The following ICOS variants were observed in gnomAD, a reference collection of about 807,000 sequenced individuals.
ICOS encodes the protein inducible T cell costimulator.
ICOS carries 15 observed loss-of-function variants against 24.6 expected under a neutral mutation model. The ratio of observed to expected loss-of-function variants is 0.61; its 90% CI spans 0.41 to 0.94. The LOEUF (loss-of-function observed/expected upper bound fraction) is 0.94, where lower values mean the gene tolerates loss of function less well. Among genes scored for constraint, ICOS ranks in the 40% least tolerant of loss-of-function variants. The probability of loss-of-function intolerance (pLI) is 0.00; values close to 1 mark genes in which losing one functional copy is unlikely to be tolerated. For synonymous variants in ICOS, 89 were observed against 77.5 expected (o/e 1.15, Z -0.78); for missense variants, 200 against 233.0 (o/e 0.86, Z 0.92).
At chr2:203,957,938 G>T in intron 4 of ICOS, 55 bp downstream of exon 4, 2 of 1,080,602 alleles carry the variant, frequency 1.9e-6, no homozygotes, top group East Asian at 2.4e-5. Context: ...CAGTAAGCCT[G>T]GAATGTTAAT....
Position 203,956,773 on chromosome 2 carries a change from A to G in ICOS, c.501+8A>G, listed in dbSNP as rs1428752773. 3 of 1,544,222 alleles carry G rather than the reference A, an allele frequency of 1.9e-6. No homozygotes were observed. The highest frequency in any genetic ancestry group is 2.2e-5 in the East Asian group (1 of 44,490). On this transcript the variant is annotated splice_region_variant and intron_variant, in intron 3 of 4. Coordinates refer to ENST00000316386, the MANE Select transcript of ICOS (RefSeq NM_012092.4). Reference sequence around the variant, plus strand: ...TGTTGGCTTACAAAAAAGGTAAGCGATTTCTATCTTTCCTTGTATCTGCTT... The same window carrying G: ...TGTTGGCTTACAAAAAAGGTAAGCGGTTTCTATCTTTCCTTGTATCTGCTT...
At position 203,959,747 on chromosome 2, in the gene ICOS, T is replaced by C. The variant is rs1007526165; in HGVS notation, c.*148T>C. The C allele has an allele frequency of 2.9e-5, 23 of 782,522 alleles. No homozygotes were observed. Among genetic ancestry groups the C allele is most frequent in the South Asian group, 2.3e-4 (16 of 69,936 alleles). The allele number at this position is 782,522 out of a possible 1,614,324, so 48.5% of individuals were successfully genotyped here. A position where few individuals can be genotyped will look rare whatever the true frequency, so the allele number is the denominator to read the frequency against. ...GTTTTGTTCAATCTGGAAGAATGAC[T>C]GTATCAGTCAATGGGGATTTTAACA... On this transcript the variant is annotated 3_prime_UTR_variant, in exon 5 of 5. Coordinates refer to ENST00000316386, the MANE Select transcript of ICOS (RefSeq NM_012092.4).
chr2:203,938,257 G>A (rs1443907302), intron 1 of ICOS, among the ~76,000 whole-genome samples: 1 of 152,210 alleles, frequency 6.6e-6, no homozygotes, highest in African/African-American at 2.4e-5. Flanking sequence ...AGTCTTTCCT[G>A]TGCAAGTGGC....
At chr2:203,947,911 G>C (rs572410217) in intron 1 of ICOS, among the ~76,000 whole-genome samples, 12 of 152,246 alleles carry the variant, frequency 7.9e-5, no homozygotes, top group African/African-American at 2.9e-4. Flanking sequence ...CTAACATGCT[G>C]TGTTTATAAA....
At chr2:203,941,717 C>A (rs1032496382) in intron 1 of ICOS, among the ~76,000 whole-genome samples, 2 of 152,158 alleles carry the variant, frequency 1.3e-5, no homozygotes, top group African/African-American at 4.8e-5. Flanking sequence ...TGTCAAATGG[C>A]ACTTTTTGGT....
chr2:203,942,780 A>G (rs915515546), intron 1 of ICOS, among the ~76,000 whole-genome samples: 3 of 152,200 alleles, frequency 2.0e-5, no homozygotes, highest in South Asian at 2.1e-4. Flanking sequence ...TTTCTGTACA[A>G]TGAGAGGATT....
rs1690178494 is a variant in ICOS at position 203,961,501 on chromosome 2, G to A, written c.*1902G>A. The A allele has an allele frequency of 6.5e-6, 1 of 152,810 alleles. No homozygotes were observed. Among genetic ancestry groups the A allele is most frequent in the African/African-American group, 2.4e-5 (1 of 41,346 alleles). The allele number at this position is 152,810 out of a possible 1,614,324, so 9.5% of individuals were successfully genotyped here. On this transcript the variant is annotated 3_prime_UTR_variant, in exon 5 of 5. Coordinates refer to ENST00000316386, the MANE Select transcript of ICOS (RefSeq NM_012092.4). ...TCTGTGAAATCAAATCCAGTTTTAAGAGGAGCCACTTATCAAAGAGATTTT... is the reference window on the plus strand; with the variant it reads ...TCTGTGAAATCAAATCCAGTTTTAAAAGGAGCCACTTATCAAAGAGATTTT...
At chr2:203,941,729 A>G (rs7602383) in intron 1 of ICOS, among the ~76,000 whole-genome samples, 21,244 of 152,220 alleles carry the variant, frequency 0.14, 1,526 homozygotes, top group African/African-American at 0.15. Flanking sequence ...CTTTTTGGTC[A>G]TTCAAAGTGA....
In ICOS at chr2:203,960,136, C is replaced by T. The variant is rs538139452; in HGVS notation, c.*537C>T. ...TGTGAACTGTACATTAGTACATACT[C>T]AGTACTCTCCTTCAATTGCTGAACC... On this transcript the variant is annotated 3_prime_UTR_variant, in exon 5 of 5. Transcript: ENST00000316386. 14 of 164,848 alleles carry T rather than the reference C, an allele frequency of 8.5e-5. No homozygotes were observed. Among genetic ancestry groups the T allele is most frequent in the Admixed American group, 2.3e-4 (4 of 17,692 alleles). 10.2% of individuals were successfully genotyped at this position (164,848 alleles called of 1,614,324 possible). A position where few individuals can be genotyped will look rare whatever the true frequency, so the allele number is the denominator to read the frequency against.
At chr2:203,958,564 A>T (rs138758773) in intron 4 of ICOS, among the ~76,000 whole-genome samples, 2 of 152,196 alleles carry the variant, frequency 1.3e-5, no homozygotes, top group Non-Finnish European at 2.9e-5. Flanking sequence ...GGTTCGAATG[A>T]TGTGCGATGT....
At chr2:203,949,950 T>C (rs956571502) in intron 1 of ICOS, among the ~76,000 whole-genome samples, 2 of 152,220 alleles carry the variant, frequency 1.3e-5, no homozygotes, top group African/African-American at 4.8e-5. Context: ...TATAAGAAAC[T>C]AACGTATTCA....
intron 4 of ICOS, 133 bp downstream of exon 4, chr2:203,958,016 A>C: frequency 1.6e-6 from 1 of 633,644 alleles, no homozygotes; most frequent in South Asian, 1.8e-5. Context: ...TTTCTGTGAA[A>C]ATCTGGATTT....
intron 1 of ICOS, among the ~76,000 whole-genome samples, chr2:203,945,443 C>G (rs1296481988): frequency 6.6e-6 from 1 of 152,154 alleles, no homozygotes; most frequent in Non-Finnish European, 1.5e-5. Context: ...TGAATGAATA[C>G]AGTCACGTGC....
At chr2:203,941,515 G>C (rs941784884) in intron 1 of ICOS, among the ~76,000 whole-genome samples, 1 of 152,162 alleles carries the variant, frequency 6.6e-6, no homozygotes, top group Non-Finnish European at 1.5e-5. Context: ...GTTGTAAACA[G>C]CAAAATCTAC....
intron 1 of ICOS, among the ~76,000 whole-genome samples, chr2:203,937,415 T>A (rs1235894745): frequency 2.0e-5 from 3 of 152,138 alleles, no homozygotes; most frequent in African/African-American, 7.2e-5. Flanking sequence ...GAAAGGATAA[T>A]GTAAAAATAC....
At chr2:203,948,870 G>T (rs1689919472) in intron 1 of ICOS, among the ~76,000 whole-genome samples, 1 of 152,188 alleles carries the variant, frequency 6.6e-6, no homozygotes, top group Non-Finnish European at 1.5e-5. Context: ...AACCTGCTTT[G>T]TGTGTTTGAG....
intron 1 of ICOS, among the ~76,000 whole-genome samples, 172 bp downstream of exon 1, chr2:203,937,044 A>G (rs1407398997): frequency 6.6e-6 from 1 of 152,154 alleles, no homozygotes; most frequent in East Asian, 1.9e-4. Flanking sequence ...TGTGGATGGC[A>G]TTGAGTTTGC....
intron 1 of ICOS, among the ~76,000 whole-genome samples, chr2:203,950,357 A>G (rs1462695507): frequency 6.6e-6 from 1 of 152,214 alleles, no homozygotes; most frequent in Non-Finnish European, 1.5e-5. Context: ...ACTAACTCTC[A>G]TGATAATTAA....
chr2:203,955,577 A>G (rs1374643425), intron 1 of ICOS, 59 bp from the exon 2 acceptor site: 9 of 1,390,156 alleles, frequency 6.5e-6, no homozygotes, highest in Non-Finnish European at 9.2e-6. Flanking sequence ...TTAAAATATA[A>G]TTATTAGGGC....
Sources: gnomAD v4.1 joint callset for allele counts (sites outside exome capture counted in the v4.1 genomes callset) on GRCh38, gnomAD v4.1.1 for gene constraint, MANE v1.5 for transcripts, NCBI Gene and HGNC (gene_info 2026-07-23, HGNC 2026-07-21) for gene names.